CSGALNACT1: variants seen among roughly 807,000 people sequenced by gnomAD.
CSGALNACT1 encodes the protein beta4GalNAcT-1.
CSGALNACT1 carries 52 observed loss-of-function variants against 51.0 expected under a neutral mutation model. The ratio of observed to expected loss-of-function variants is 1.02; its 90% CI spans 0.82 to 1.29. CSGALNACT1 has a LOEUF of 1.29. CSGALNACT1 is among the 50% of genes most tolerant of loss of function. CSGALNACT1 has a pLI of 0.00. For missense variants in CSGALNACT1, 935 were observed against 679.2 expected (o/e 1.38, Z -4.19); for synonymous variants, 341 against 254.4 (o/e 1.34, Z -3.24).
At position 19,595,114 on chromosome 8, in the gene CSGALNACT1, C is replaced by G. The variant is rs190283183; in HGVS notation, c.-415-3836G>C. On this transcript the variant is annotated intron_variant, in intron 2 of 9. Coordinates refer to ENST00000454498, the Ensembl canonical transcript of CSGALNACT1. ...GCCTCATTGATTTCTGTTTCTTGTA[C>G]CTAAGAATCCTAAATAAAAATCGGC... Among the ~76,000 whole-genome samples the G allele has an allele frequency of 4.0e-4, 61 of 152,148 alleles. No individual in the cohort carries two copies. The Middle Eastern group carries it at 0.01, about 26-fold the overall frequency.
intron 8 of CSGALNACT1, among the ~76,000 whole-genome samples, chr8:19,413,320 G>A (rs12679671): frequency 4.0e-5 from 6 of 151,856 alleles, no homozygotes; most frequent in African/African-American, 1.5e-4. Context: ...GCCCAGGTGC[G>A]GTCACATAGT....
At chr8:19,717,326 C>A (rs187386168) in intron 1 of CSGALNACT1, among the ~76,000 whole-genome samples, 2 of 152,168 alleles carry the variant, frequency 1.3e-5, no homozygotes, top group Non-Finnish European at 2.9e-5. Flanking sequence ...ACTGACATAG[C>A]CTATGTAGCT....
At chr8:19,404,867 C>T (rs1266118838) in exon 10 of CSGALNACT1, 2 of 454,470 alleles carry the variant, frequency 4.4e-6, no homozygotes, top group Non-Finnish European at 8.8e-6. Flanking sequence ...TTCAGTTGCT[C>T]CTCTTCGAAA....
intron 1 of CSGALNACT1, among the ~76,000 whole-genome samples, chr8:19,648,871 T>A (rs1304916916): frequency 6.6e-6 from 1 of 152,144 alleles, no homozygotes; most frequent in Non-Finnish European, 1.5e-5. Flanking sequence ...ATAAATTATA[T>A]CCATGAAACG....
chr8:19,510,296 G>T (rs181481147), intron 3 of CSGALNACT1, among the ~76,000 whole-genome samples: 22 of 152,218 alleles, frequency 1.4e-4, no homozygotes, highest in Middle Eastern at 3.4e-3. Flanking sequence ...ATGGGAGAAG[G>T]CTTCTTCATG....
chr8:19,409,496 T>G (rs1238374105), intron 8 of CSGALNACT1, among the ~76,000 whole-genome samples: 2 of 109,140 alleles, frequency 1.8e-5, no homozygotes, highest in African/African-American at 6.2e-5. Context: ...CATATATATA[T>G]ATATAGAGAG....
chr8:19,736,012 GT>G (rs1235766065), intron 1 of CSGALNACT1, among the ~76,000 whole-genome samples: 1 of 152,104 alleles, frequency 6.6e-6, no homozygotes, highest in African/African-American at 2.4e-5. Flanking sequence ...CAATCTGCAT[GT>G]AAAAATAATA....
intron 1 of CSGALNACT1, among the ~76,000 whole-genome samples, chr8:19,610,656 C>A (rs2052113783): frequency 6.6e-6 from 1 of 152,196 alleles, no homozygotes. Context: ...AAAGCCCAGG[C>A]CACCGAGTGG....
chr8:19,512,279 C>A (rs967147683), intron 3 of CSGALNACT1, among the ~76,000 whole-genome samples: 1 of 152,166 alleles, frequency 6.6e-6, no homozygotes, highest in African/African-American at 2.4e-5. Flanking sequence ...CTGCCGGCAA[C>A]CCCCTGAAAG....
At chr8:19,420,255 C>G (rs1266784113) in intron 7 of CSGALNACT1, 85 bp downstream of exon 6, 3 of 1,218,546 alleles carry the variant, frequency 2.5e-6, no homozygotes, top group African/African-American at 3.0e-5. Context: ...AGCAGGACAT[C>G]AGAGTGACTG....
At chr8:19,545,922 C>T (rs2086361415) in intron 3 of CSGALNACT1, among the ~76,000 whole-genome samples, 1 of 150,062 alleles carries the variant, frequency 6.7e-6, no homozygotes, top group Non-Finnish European at 1.5e-5. Flanking sequence ...TCTAAAACAG[C>T]AAAACAATGC....
chr8:19,478,103 T>C (rs1256084272), intron 4 of CSGALNACT1, among the ~76,000 whole-genome samples: 1 of 150,390 alleles, frequency 6.6e-6, no homozygotes, highest in Non-Finnish European at 1.5e-5. Flanking sequence ...AGTGGAATCA[T>C]TTGGGGAGCT....
At chr8:19,491,542 G>T (rs181986946) in intron 4 of CSGALNACT1, among the ~76,000 whole-genome samples, 1 of 152,034 alleles carries the variant, frequency 6.6e-6, no homozygotes, top group Non-Finnish European at 1.5e-5. Flanking sequence ...GTGAAAATTC[G>T]TATTTTACAT....
intron 1 of CSGALNACT1, among the ~76,000 whole-genome samples, chr8:19,652,910 G>A (rs1156870060): frequency 6.6e-6 from 1 of 152,058 alleles, no homozygotes; most frequent in African/African-American, 2.4e-5. Context: ...GATCTCTGTG[G>A]CCTTCCAGCT....
chr8:19,731,815 T>C (rs2063709551), intron 1 of CSGALNACT1, among the ~76,000 whole-genome samples: 1 of 152,196 alleles, frequency 6.6e-6, no homozygotes, highest in Non-Finnish European at 1.5e-5. Flanking sequence ...CTTGCCAGCA[T>C]CCTCTATAAT....
Position 19,671,714 on chromosome 8 carries a change from G to T in CSGALNACT1, c.-544+10759C>A, listed in dbSNP as rs563182244. Among the ~76,000 whole-genome samples the T allele has an allele frequency of 4.6e-5, 7 of 152,280 alleles. No homozygotes were observed. In the South Asian group the frequency reaches 1.5e-3, roughly 32 times the overall value. On this transcript the variant is annotated intron_variant, in intron 1 of 9. Transcript: ENST00000332246. Reference sequence around the variant, plus strand: ...GGGACGAAGTAAAGAGTAGAGCAGGGTAAAAGGATTGGGAGTGCGGGGTGG... The same window carrying T: ...GGGACGAAGTAAAGAGTAGAGCAGGTTAAAAGGATTGGGAGTGCGGGGTGG...
At chr8:19,405,689 G>A (rs772490962) in exon 10 of CSGALNACT1, 31 of 1,519,596 alleles carry the variant, frequency 2.0e-5, no homozygotes, top group Middle Eastern at 3.4e-4. Context: ...TTCTTTTGTC[G>A]TCCTTTATGG....
chr8:19,428,859 G>A (rs949335582), intron 6 of CSGALNACT1, among the ~76,000 whole-genome samples: 1 of 149,806 alleles, frequency 6.7e-6, no homozygotes, highest in Non-Finnish European at 1.5e-5. Flanking sequence ...GTGTGTGTGT[G>A]TGTGTGTGTG....
chr8:19,560,087 T>C (rs2040368076), intron 3 of CSGALNACT1, among the ~76,000 whole-genome samples: 1 of 152,246 alleles, frequency 6.6e-6, no homozygotes, highest in South Asian at 2.1e-4. Context: ...CTTATAAACA[T>C]TTTTGGTATG....
Sources: allele counts gnomAD v4.1 joint callset (sites outside exome capture counted in the v4.1 genomes callset), GRCh38; gene constraint gnomAD v4.1.1; transcripts MANE v1.5; gene names NCBI Gene and HGNC (gene_info 2026-07-23, HGNC 2026-07-21).